The following SLC34A1 variants were observed in gnomAD, a reference collection of about 807,000 sequenced individuals.
The protein encoded by SLC34A1 is solute carrier family 34 member 1, also known as sodium-dependent phosphate transport protein 2A.
Under a neutral mutation model 51.4 loss-of-function variants are expected in SLC34A1, and 57 were observed. The ratio of observed to expected loss-of-function variants is 1.11; its 90% CI spans 0.90 to 1.38. SLC34A1 has a LOEUF of 1.38. Among genes scored for constraint, SLC34A1 ranks in the 40% most tolerant of loss-of-function variants. The pLI, the probability that SLC34A1 is intolerant of heterozygous loss-of-function variation, is 0.00. For synonymous variants in SLC34A1, 368 were observed against 358.0 expected, an observed-to-expected ratio of 1.03 and a Z score of -0.32; for missense variants, 796 against 835.6, an observed-to-expected ratio of 0.95 and a Z score of 0.58.
rs143160780 is a variant in SLC34A1 at position 177,398,771 on chromosome 5, G to A, written c.*485G>A. ...TCTCCTCATCCTAACCCAGGTCTTC[G>A]GCACCACCACAATTAATTCCCTTCC... On this transcript the variant is annotated 3_prime_UTR_variant, in exon 13 of 13. Transcript: ENST00000324417. The surrounding 1 kb of genome is among the most constrained non-coding windows in gnomAD (Gnocchi z 4.7). 723 of 173,628 alleles carry A rather than the reference G, an allele frequency of 4.2e-3. 6 individuals are homozygous for A. The highest frequency in any genetic ancestry group is 0.016 in the African/African-American group (684 of 42,002). The allele number at this position is 173,628 out of a possible 1,614,324, so 10.8% of individuals were successfully genotyped here.
intron 8 of SLC34A1, chr5:177,390,271 G>T (rs1762756923): frequency 1.0e-6 from 1 of 989,742 alleles, no homozygotes; most frequent in African/African-American, 1.7e-5. Flanking sequence ...TGAGTGATCA[G>T]ACACTTGAGT....
At chr5:177,390,543 C>A in intron 8 of SLC34A1, 1 of 228,002 alleles carries the variant, frequency 4.4e-6, no homozygotes, top group Non-Finnish European at 7.2e-6. Flanking sequence ...ACTCACCGGT[C>A]TGACATTCTA....
At chr5:177,389,618 A>C (rs975382730) in intron 8 of SLC34A1, 63 of 1,537,046 alleles carry the variant, frequency 4.1e-5, no homozygotes, top group Non-Finnish European at 5.3e-5. Flanking sequence ...CTGACTCACC[A>C]CAAGCCTCTC....
intron 8 of SLC34A1, chr5:177,389,962 G>C: frequency 7.2e-7 from 1 of 1,394,596 alleles, no homozygotes; most frequent in South Asian, 1.6e-5. Flanking sequence ...AGAGTAGCTG[G>C]TGGGTGGGAC....
chr5:177,384,955 G>A (rs1469811680), intron 1 of SLC34A1, among the ~76,000 whole-genome samples: 2 of 152,158 alleles, frequency 1.3e-5, no homozygotes, highest in African/African-American at 4.8e-5. Flanking sequence ...GACAATGCGG[G>A]GAGTGCTGAG....
intron 8 of SLC34A1, among the ~76,000 whole-genome samples, chr5:177,393,489 C>T (rs1762870260): frequency 6.6e-6 from 1 of 152,152 alleles, no homozygotes; most frequent in Non-Finnish European, 1.5e-5. Context: ...GCAGAACACA[C>T]AGAGGACCAG....
intron 8 of SLC34A1, chr5:177,390,100 A>T: frequency 9.1e-7 from 1 of 1,103,938 alleles, no homozygotes; most frequent in Non-Finnish European, 1.1e-6. Context: ...AAGACGGGCC[A>T]CAGAGTCTCC....
intron 9 of SLC34A1, 55 bp from the exon 10 acceptor site, chr5:177,393,973 T>G: frequency 6.2e-7 from 1 of 1,608,474 alleles, no homozygotes; most frequent in African/African-American, 1.3e-5. Flanking sequence ...GTGGCAAAGG[T>G]GGGGACCTGG....
At position 177,396,783 on chromosome 5, in the gene SLC34A1, G is replaced by A. The variant is rs552044289; in HGVS notation, c.1225G>A (p.Gly409Ser). 4.2e-5 allele frequency: 68 copies of A among 1,614,232 alleles called. 1 individual carries two copies. The South Asian group carries it at 7.4e-4, about 17-fold the overall frequency. The change falls in exon 11 of 13, where the codon GGC (glycine) becomes AGC (serine). Residue 409 changes from glycine (G) to serine (S), a missense_variant. Physicochemically the swap from Gly to Ser is moderately conservative, Grantham distance 56. Transcript: ENST00000324417. This position sits in a 1 kb window ranked among gnomAD's most constrained non-coding sequence, Gnocchi z 4.0. ...CACAGGCTACTTTGCCATGGTGGTG[G>A]GCGCCAGCATGACCTTCGTGGTCCA... ...WVTGYFAMVV[G>S]ASMTFVVQSS...
chr5:177,387,184 C>CT (rs1762610392), intron 5 of SLC34A1, among the ~76,000 whole-genome samples: 1 of 150,932 alleles, frequency 6.6e-6, no homozygotes, highest in Non-Finnish European at 1.5e-5. Context: ...CCCTGGCTAA[C>CT]ACGGTGAAAC....
chr5:177,387,206 T>TA (rs1479654335), intron 5 of SLC34A1, among the ~76,000 whole-genome samples: 2 of 142,452 alleles, frequency 1.4e-5, no homozygotes, highest in African/African-American at 5.4e-5. Flanking sequence ...CTGTCTCTAC[T>TA]AAAAATACAA....
rs771045044 is a variant in SLC34A1, at chr5:177,393,718, G to A, written c.961G>A (p.Glu321Lys). The A allele has an allele frequency of 4.3e-6, 7 of 1,614,100 alleles. No homozygotes were observed. Among genetic ancestry groups the A allele is most frequent in the Non-Finnish European group, 5.9e-6 (7 of 1,180,052 alleles). Residue 321 changes from glutamate to lysine, a missense_variant, in exon 9 of 13, where the codon GAG (glutamate) becomes AAG (lysine). Transcript: ENST00000324417. Reference protein sequence around the residue: ...LQAPTSMSRAEANSSQTLGNA... With the variant: ...LQAPTSMSRAKANSSQTLGNA... ...GGCTCCCACCTCCATGTCCAGAGCA[G>A]AGGCCAACTCCAGCCAGACCCTTGG...
intron 8 of SLC34A1, among the ~76,000 whole-genome samples, chr5:177,391,664 G>A (rs1369774643): frequency 6.6e-6 from 1 of 152,210 alleles, no homozygotes; most frequent in Admixed American, 6.5e-5. Context: ...TAGGAAGTCA[G>A]TCACACACAC....
chr5:177,394,088 C>G lies in SLC34A1; in HGVS notation c.1067C>G (p.Ala356Gly), dbSNP rs770194264. 3 of 1,614,062 alleles carry G rather than the reference C, an allele frequency of 1.9e-6. No homozygotes were observed. The highest frequency in any genetic ancestry group is 1.1e-5 in the South Asian group (1 of 91,082). The change falls in exon 10 of 13, where the codon GCA becomes GGA. Residue 356 changes from alanine (A) to glycine (G), a missense_variant. Transcript: ENST00000324417. ...PDLAVGLILL[A>G]GSLVLLCTCL... ...CTGGCTGTGGGGCTCATCCTGCTGGCAGGATCCCTGGTGCTGCTGTGCACC... is the reference window on the plus strand; with the variant it reads ...CTGGCTGTGGGGCTCATCCTGCTGGGAGGATCCCTGGTGCTGCTGTGCACC...
At position 177,388,415 on chromosome 5, in the gene SLC34A1, A is replaced by G. The variant is rs1217621845; in HGVS notation, c.936+43A>G. ...CCCCAGGTAAGAGGACTCCCTCTTC[A>G]GACTCTTGGTTTCATTGTCTGTTCA... On this transcript the variant is annotated intron_variant, in intron 8 of 12. Transcript: ENST00000324417. The surrounding 1 kb of genome is among the most constrained non-coding windows in gnomAD (Gnocchi z 4.3). 1.4e-6 allele frequency: 2 copies of G among 1,480,126 alleles called. No individual in the cohort carries two copies. Among genetic ancestry groups the G allele is most frequent in the East Asian group, 4.5e-5 (2 of 44,304 alleles). 91.7% of individuals were successfully genotyped at this position (1,480,126 alleles called of 1,614,324 possible).
At position 177,386,355 on chromosome 5, in the gene SLC34A1, G is replaced by A. The variant is rs1281011614; in HGVS notation, c.388+6G>A. On this transcript the variant is annotated splice_donor_region_variant and intron_variant, in intron 4 of 12. Coordinates refer to ENST00000324417, the MANE Select transcript of SLC34A1 (RefSeq NM_003052.5). This position sits in a 1 kb window ranked among gnomAD's most constrained non-coding sequence, Gnocchi z 4.8. ...GGCCTTCCAGCTGGCTGGAGGTAGG[G>A]CCCGGGTGGAGGAGACCTGGGAGGG... 1 of 1,614,274 alleles carries A rather than the reference G, an allele frequency of 6.2e-7. No individual in the cohort carries two copies. The highest frequency in any genetic ancestry group is 1.3e-5 in the African/African-American group (1 of 75,070).
At chr5:177,385,266 C>T (rs1209864714) in intron 1 of SLC34A1, among the ~76,000 whole-genome samples, 4 of 152,186 alleles carry the variant, frequency 2.6e-5, no homozygotes, top group Non-Finnish European at 5.9e-5. Context: ...CCACGTATTC[C>T]CTGGCCCCCT....
chr5:177,385,351 A>G (rs369836900), intron 1 of SLC34A1, among the ~76,000 whole-genome samples: 9 of 152,270 alleles, frequency 5.9e-5, no homozygotes, highest in African/African-American at 2.2e-4. Context: ...TCTGGTTCGG[A>G]GCCTGGGCTA....
chr5:177,390,731 C>G (rs1374682820), intron 8 of SLC34A1, among the ~76,000 whole-genome samples: 3 of 151,948 alleles, frequency 2.0e-5, no homozygotes, highest in African/African-American at 7.3e-5. Flanking sequence ...AACAAAGGCC[C>G]TAGAGCTCCC....
Sources: gnomAD v4.1 joint callset for allele counts (sites outside exome capture counted in the v4.1 genomes callset) on GRCh38, gnomAD v4.1.1 for gene constraint, Gnocchi (gnomAD v3.1) non-coding constraint, MANE v1.5 for transcripts, NCBI Gene and HGNC (gene_info 2026-07-23, HGNC 2026-07-21) for gene names.